HDAC9: variants seen among roughly 807,000 people sequenced by gnomAD.
HDAC9 encodes the protein histone deacetylase 9, also known as MEF-2 interacting transcription repressor (MITR) protein.
A neutral mutation model predicts 139.4 loss-of-function variants in HDAC9; 41 were observed. That is an observed-to-expected ratio of 0.29 (90% CI 0.23 to 0.38). The LOEUF (loss-of-function observed/expected upper bound fraction) is 0.38, where lower values mean the gene tolerates loss of function less well. Among genes scored for constraint, HDAC9 ranks in the 10% least tolerant of loss-of-function variants. HDAC9 has a pLI of 1.00. For synonymous variants in HDAC9, 517 were observed against 476.2 expected (o/e 1.09, Z -1.12); for missense variants, 1,147 against 1,297.0 (o/e 0.88, Z 1.78).
chr7:18,254,704 T>C (rs1295193089), intron 2 of HDAC9, among the ~76,000 whole-genome samples: 1 of 152,212 alleles, frequency 6.6e-6, no homozygotes, highest in African/African-American at 2.4e-5. Context: ...AAATAAGTGT[T>C]CTGAAGGGAA....
intron 2 of HDAC9, among the ~76,000 whole-genome samples, chr7:18,535,938 A>G (rs1032977948): frequency 6.6e-6 from 1 of 152,168 alleles, no homozygotes; most frequent in East Asian, 1.9e-4. Context: ...TCACATTCCT[A>G]TTAGGAGCTT....
chr7:18,246,667 G>C (rs866900132), intron 2 of HDAC9, among the ~76,000 whole-genome samples: 21 of 152,052 alleles, frequency 1.4e-4, no homozygotes, highest in Admixed American at 2.6e-4. Flanking sequence ...GAAGTAATGG[G>C]GGCTGAGCCG....
At chr7:18,571,436 T>A (rs2128744036) in intron 2 of HDAC9, among the ~76,000 whole-genome samples, 1 of 152,316 alleles carries the variant, frequency 6.6e-6, no homozygotes, top group African/African-American at 2.4e-5. Flanking sequence ...CCTTGGTTCC[T>A]CCTCTCCGTC....
chr7:18,263,539 C>A (rs1303945758), intron 2 of HDAC9, among the ~76,000 whole-genome samples: 1 of 152,110 alleles, frequency 6.6e-6, no homozygotes, highest in East Asian at 1.9e-4. Flanking sequence ...CCATAAGGAG[C>A]ATGACCTTTG....
At chr7:18,945,161 G>A (rs544826491) in intron 23 of HDAC9, among the ~76,000 whole-genome samples, 4 of 152,274 alleles carry the variant, frequency 2.6e-5, no homozygotes, top group Admixed American at 2.6e-4. Flanking sequence ...GCATACAAGT[G>A]TTTACACAGT....
intron 25 of HDAC9, among the ~76,000 whole-genome samples, chr7:18,985,002 T>C (rs990759167): frequency 3.9e-5 from 6 of 152,232 alleles, no homozygotes; most frequent in Non-Finnish European, 7.3e-5. Flanking sequence ...CATTTAGGTG[T>C]AGAATTGTTA....
intron 1 of HDAC9, among the ~76,000 whole-genome samples, chr7:18,144,225 A>G (rs1337742227): frequency 2.0e-5 from 3 of 152,236 alleles, no homozygotes; most frequent in African/African-American, 2.4e-5. Flanking sequence ...CTTAAATACC[A>G]GCTCTAAGAG....
chr7:18,410,787 A>G (rs1265301214), intron 1 of HDAC9, among the ~76,000 whole-genome samples: 1 of 152,196 alleles, frequency 6.6e-6, no homozygotes, highest in African/African-American at 2.4e-5. Flanking sequence ...AGACTTTTAT[A>G]AAAGTTTCTG....
chr7:18,478,474 T>G (rs1055163391), intron 1 of HDAC9, among the ~76,000 whole-genome samples: 19 of 152,348 alleles, frequency 1.2e-4, no homozygotes, highest in African/African-American at 4.6e-4. Flanking sequence ...TATGTTATAT[T>G]ACTTAGTTTG....
At chr7:18,132,023 G>A (rs2128102532) in intron 1 of HDAC9, among the ~76,000 whole-genome samples, 1 of 152,248 alleles carries the variant, frequency 6.6e-6, no homozygotes, top group East Asian at 1.9e-4. Flanking sequence ...GGGCCAGGTG[G>A]TAATTACAGA....
intron 2 of HDAC9, among the ~76,000 whole-genome samples, chr7:18,503,583 C>A (rs1456381585): frequency 6.6e-6 from 1 of 152,066 alleles, no homozygotes; most frequent in Non-Finnish European, 1.5e-5. Flanking sequence ...AAGTGATGGG[C>A]TTTTCGTGTA....
intron 22 of HDAC9, among the ~76,000 whole-genome samples, chr7:18,917,591 A>G (rs1000840789): frequency 1.3e-5 from 2 of 152,040 alleles, no homozygotes; most frequent in Non-Finnish European, 2.9e-5. Flanking sequence ...GAGGAAAAGC[A>G]GATGGAAAGA....
Position 18,600,794 on chromosome 7 carries a change from A to G in HDAC9, c.664+6765A>G, listed in dbSNP as rs75928438. Among the ~76,000 whole-genome samples the G allele has an allele frequency of 9.9e-5, 15 of 152,194 alleles. No homozygotes were observed. In the East Asian group the frequency reaches 2.9e-3, roughly 29 times the overall value. On this transcript the variant is annotated intron_variant, in intron 6 of 25. Transcript: ENST00000686413. Reference sequence around the variant, plus strand: ...TATAAAGTTTAGAATCTGTTTGTCAATAACCACCAAATAACTTACTGGAAT... The same window carrying G: ...TATAAAGTTTAGAATCTGTTTGTCAGTAACCACCAAATAACTTACTGGAAT...
At chr7:18,954,066 GT>G in intron 23 of HDAC9, 79 bp from the exon 24 acceptor site, 3 of 920,290 alleles carry the variant, frequency 3.3e-6, no homozygotes, top group Non-Finnish European at 5.0e-6. Context: ...GGATTAGGTT[GT>G]TTCAGTTTGC....
chr7:18,678,858 A>G (rs984259091), intron 12 of HDAC9, among the ~76,000 whole-genome samples: 3 of 152,046 alleles, frequency 2.0e-5, no homozygotes, highest in Non-Finnish European at 4.4e-5. Context: ...TCTTTAAAGA[A>G]TGTTCACTTG....
At chr7:18,856,483 A>G (rs1797691075) in intron 21 of HDAC9, among the ~76,000 whole-genome samples, 2 of 152,166 alleles carry the variant, frequency 1.3e-5, no homozygotes, top group African/African-American at 4.8e-5. Flanking sequence ...AAGGATGTTA[A>G]TATTATTGAT....
At chr7:18,138,084 TA>T (rs1327375450) in intron 1 of HDAC9, among the ~76,000 whole-genome samples, 4 of 152,254 alleles carry the variant, frequency 2.6e-5, no homozygotes, top group African/African-American at 9.6e-5. Context: ...TTTTCTAGTT[TA>T]TTTGCATAGA....
At chr7:18,179,671 G>C (rs1789233285) in intron 2 of HDAC9, among the ~76,000 whole-genome samples, 1 of 152,072 alleles carries the variant, frequency 6.6e-6, no homozygotes, top group Non-Finnish European at 1.5e-5. Flanking sequence ...CTATTAATGA[G>C]AAATTATACA....
intron 12 of HDAC9, among the ~76,000 whole-genome samples, chr7:18,701,493 G>A (rs73313400): frequency 0.02 from 3,032 of 150,720 alleles, 110 homozygotes; most frequent in African/African-American, 0.07. Flanking sequence ...GTCTTAACAT[G>A]TATTTTCAGA....
Sources: allele counts gnomAD v4.1 joint callset (sites outside exome capture counted in the v4.1 genomes callset), GRCh38; gene constraint gnomAD v4.1.1; transcripts MANE v1.5; gene names NCBI Gene and HGNC (gene_info 2026-07-23, HGNC 2026-07-21).